Variants in NONO observed in about 807,000 individuals in gnomAD.
NONO encodes the protein non-POU domain-containing octamer-binding protein.
Under a neutral mutation model 40.2 loss-of-function variants are expected in NONO, and 6 were observed. That is an observed-to-expected ratio of 0.15 (90% CI 0.08 to 0.29). NONO has a LOEUF of 0.29. Among genes scored for constraint, NONO ranks in the 10% least tolerant of loss-of-function variants. NONO has a pLI of 1.00. For synonymous variants in NONO, 89 were observed against 123.3 expected (o/e 0.72, Z 1.85); for missense variants, 133 against 397.8 (o/e 0.33, Z 5.66).
chrX:71,297,498 A>G (rs2031479365), intron 8 of NONO, 37 bp downstream of exon 8: 1 of 997,714 alleles, frequency 1.0e-6, no homozygotes, highest in Non-Finnish European at 1.4e-6. Context: ...TAACAACTCT[A>G]AAAGGTAATG....
rs775846667 is a variant in NONO at position 71,291,181 on chromosome X, C to T, written c.154+390C>T. ...ACTTTTAGCCTTGAGCCTGTACCAG[C>T]TCATTGTAAAAAGTCTTTAAGTATA... is the stretch of plus-strand genomic sequence containing the variant. On this transcript the variant is annotated intron_variant, in intron 3 of 11. Transcript: ENST00000276079. Among the ~76,000 whole-genome samples, 4 of 112,267 alleles carry T rather than the reference C, an allele frequency of 3.6e-5. No homozygotes were observed. In the East Asian group the frequency reaches 1.1e-3, roughly 31 times the overall value.
intron 5 of NONO, among the ~76,000 whole-genome samples, chrX:71,296,282 A>C (rs1378584623): frequency 1.8e-5 from 2 of 108,355 alleles, no homozygotes; most frequent in African/African-American, 6.8e-5. Flanking sequence ...AGTAGCTGGG[A>C]TTACAGACGT....
chrX:71,286,941 T>A (rs2031202027), intron 2 of NONO, among the ~76,000 whole-genome samples: 1 of 112,234 alleles, frequency 8.9e-6, no homozygotes, highest in African/African-American at 3.2e-5. Context: ...CATTAATGTT[T>A]TCAGTTTTGG....
At chrX:71,285,681 G>A (rs899895976) in intron 2 of NONO, among the ~76,000 whole-genome samples, 1 of 111,968 alleles carries the variant, frequency 8.9e-6, no homozygotes, top group Non-Finnish European at 1.9e-5. Flanking sequence ...CAGAAATGAG[G>A]AAACTCTGAA....
chrX:71,296,048 A>T (rs2031441405), intron 5 of NONO, among the ~76,000 whole-genome samples: 1 of 110,416 alleles, frequency 9.1e-6, no homozygotes, highest in Admixed American at 9.7e-5. Flanking sequence ...TAAGTACTGC[A>T]CCTACCTACT....
Position 71,300,265 on chromosome X carries a change from T to C in NONO, c.*189T>C. 2.1e-6 allele frequency: 1 copy of C among 468,227 alleles called. No individual in the cohort carries two copies. Among genetic ancestry groups the C allele is most frequent in the Admixed American group, 3.4e-5 (1 of 29,203 alleles). The allele number at this position is 468,227 out of a possible 1,213,427, so 38.6% of individuals were successfully genotyped here. A position where few individuals can be genotyped will look rare whatever the true frequency, so the allele number is the denominator to read the frequency against. On this transcript the variant is annotated 3_prime_UTR_variant, in exon 12 of 12. Transcript: ENST00000276079. ...TGGTATTAAACAAGTCAATTCTGTG[T>C]GGTATATTGTTTAATCAGTTCTGTG...
chrX:71,293,805 G>A (rs1009988439), intron 4 of NONO, among the ~76,000 whole-genome samples: 4 of 109,984 alleles, frequency 3.6e-5, no homozygotes, highest in African/African-American at 1.3e-4. Context: ...CTAATTTTTT[G>A]TATTTTAGTA....
Position 71,291,739 on chromosome X carries a change from A to G in NONO, c.155-40A>G, listed in dbSNP as rs146622482. 95 of 1,010,660 alleles carry G rather than the reference A, an allele frequency of 9.4e-5. No homozygotes were observed. In the East Asian group the frequency reaches 1.3e-3, roughly 13 times the overall value. The allele number at this position is 1,010,660 out of a possible 1,213,427, so 83.3% of individuals were successfully genotyped here. A position where few individuals can be genotyped will look rare whatever the true frequency, so the allele number is the denominator to read the frequency against. ...TCTTTGAGGATACGACTATAATTCT[A>G]TTTCCCCAGTCTTTTAAGTGACTGT... On this transcript the variant is annotated intron_variant, in intron 3 of 11. Coordinates refer to ENST00000276079, the MANE Select transcript of NONO (RefSeq NM_007363.5).
chrX:71,290,918 T>G (rs2031313041), intron 3 of NONO, 127 bp downstream of exon 3: 7 of 769,327 alleles, frequency 9.1e-6, no homozygotes, highest in Non-Finnish European at 9.0e-6. Flanking sequence ...CTTTTTTCTC[T>G]TTACCTCTTA....
intron 4 of NONO, chrX:71,293,882 G>A (rs1191796494): frequency 3.0e-5 from 6 of 197,256 alleles, no homozygotes; most frequent in Non-Finnish European, 5.6e-5. Flanking sequence ...CACCCGCCTC[G>A]GCCTCCCAAA....
chrX:71,284,505 T>G (rs1297714479), intron 2 of NONO, 52 bp downstream of exon 2: 1 of 111,724 alleles, frequency 9.0e-6, no homozygotes, highest in Non-Finnish European at 1.9e-5. Flanking sequence ...GGCACCCAGT[T>G]GAATTAGAAT....
chrX:71,294,574 C>T, intron 5 of NONO, 46 bp downstream of exon 5: 1 of 1,108,305 alleles, frequency 9.0e-7, no homozygotes. Context: ...TTGCTAATTC[C>T]TTCCATGGTC....
In NONO at chrX:71,296,928, T is replaced by C; in HGVS notation, c.824T>C (p.Ile275Thr). The C allele has an allele frequency of 2.5e-6, 3 of 1,210,091 alleles. No individual in the cohort carries two copies. Among genetic ancestry groups the C allele is most frequent in the Non-Finnish European group, 3.4e-6 (3 of 894,661 alleles). ...TATGCCATGCGCTGGAAGGCACTCA[T>C]TGAGATGGAGAAGCAGCAGCAGGAC... is the stretch of plus-strand genomic sequence containing the variant. ...YEYAMRWKALIEMEKQQQDQV... is the reference protein window; with the variant it reads ...YEYAMRWKALTEMEKQQQDQV... Residue 275 changes from isoleucine (I) to threonine (T), a missense_variant, in exon 7 of 12, where the codon ATT becomes ACT. Ile to Thr is a moderately conservative substitution (Grantham distance 89). Transcript: ENST00000276079.
intron 4 of NONO, 80 bp from the exon 5 acceptor site, chrX:71,294,147 C>A: frequency 1.0e-6 from 1 of 984,685 alleles, no homozygotes; most frequent in South Asian, 2.2e-5. Flanking sequence ...AGATATTGAA[C>A]TATACTGCTT....
At chrX:71,298,890 C>G (rs1388540174) in intron 11 of NONO, 74 bp downstream of exon 11, 1 of 792,243 alleles carries the variant, frequency 1.3e-6, no homozygotes, top group African/African-American at 2.1e-5. Flanking sequence ...TTTCACAGCC[C>G]CTGGGGGCCT....
intron 2 of NONO, among the ~76,000 whole-genome samples, chrX:71,289,340 A>G (rs1277965318): frequency 1.8e-5 from 2 of 110,419 alleles, no homozygotes; most frequent in Non-Finnish European, 3.8e-5. Flanking sequence ...TGCCCAGGCT[A>G]GAGTGCAGTG....
At chrX:71,290,835 G>T in intron 3 of NONO, 44 bp downstream of exon 3, 1 of 1,090,495 alleles carries the variant, frequency 9.2e-7, no homozygotes, top group Non-Finnish European at 1.2e-6. Flanking sequence ...ATTCCCTCTG[G>T]GAATGGTTTC....
At position 71,290,745 on chromosome X, in the gene NONO, G is replaced by A. The variant is rs756406210; in HGVS notation, c.108G>A (p.Pro36=). The A allele has an allele frequency of 4.2e-6, 5 of 1,183,494 alleles. No individual in the cohort carries two copies. The South Asian group carries it at 7.4e-5, about 17-fold the overall frequency. The change falls in exon 3 of 12, where the codon CCG becomes CCA. Residue 36 remains proline, a synonymous_variant. Transcript: ENST00000276079. ...QQHHQQQQQQ[P]PPPPIPANGQ... ...ACCACCAGCAGCAACAGCAGCAGCC[G>A]CCACCACCGCCAATACCTGCAAATG...
intron 10 of NONO, 89 bp from the exon 11 acceptor site, chrX:71,298,618 G>T: frequency 9.4e-7 from 1 of 1,061,143 alleles, no homozygotes; most frequent in Admixed American, 2.2e-5. Flanking sequence ...GTCTTACTTA[G>T]CCCAGAGGTC....
Sources: gnomAD v4.1 joint callset for allele counts (sites outside exome capture counted in the v4.1 genomes callset) on GRCh38, gnomAD v4.1.1 for gene constraint, MANE v1.5 for transcripts, NCBI Gene and HGNC (gene_info 2026-07-23, HGNC 2026-07-21) for gene names.